The following CNOT6 variants were observed in gnomAD, a reference collection of about 807,000 sequenced individuals.
CNOT6 encodes the protein CCR4-NOT transcription complex subunit 6, also known as carbon catabolite repression 4 protein.
A neutral mutation model predicts 61.2 loss-of-function variants in CNOT6; 12 were observed. The ratio of observed to expected loss-of-function variants is 0.20; its 90% CI spans 0.13 to 0.32. CNOT6 has a LOEUF of 0.32. CNOT6 is among the 10% of genes least tolerant of loss of function. The probability of loss-of-function intolerance (pLI) is 1.00; values close to 1 mark genes in which losing one functional copy is unlikely to be tolerated. For synonymous variants in CNOT6, 225 were observed against 240.6 expected, an observed-to-expected ratio of 0.94 and a Z score of 0.60; for missense variants, 405 against 663.9, an observed-to-expected ratio of 0.61 and a Z score of 4.28.
chr5:180,541,700 C>T (rs2127735126), intron 2 of CNOT6, among the ~76,000 whole-genome samples: 2 of 152,092 alleles, frequency 1.3e-5, no homozygotes, highest in East Asian at 3.9e-4. Context: ...GATCCACCCA[C>T]CTCAGCCTCT....
In CNOT6 at chr5:180,567,980, G is replaced by T. The variant is rs143354534; in HGVS notation, c.1004G>T (p.Arg335Leu). ...GGGGTTGCAGTACTGCTAGAACTTC[G>T]GAAGGAATCGATTGAAATGCCGTGT... ...NIGVAVLLEL[R>L]KESIEMPSGK... The change falls in exon 9 of 12, where the codon CGG becomes CTG. Residue 335 changes from arginine to leucine, a missense_variant. This residue lies in a region of CNOT6 where 116 missense variants were observed against 184.6 expected (regional missense o/e 0.63). Coordinates refer to ENST00000261951, the MANE Select transcript of CNOT6 (RefSeq NM_001370472.1). The T allele has an allele frequency of 6.2e-7, 1 of 1,608,452 alleles. No individual in the cohort carries two copies. The highest frequency in any genetic ancestry group is 1.3e-5 in the African/African-American group (1 of 74,816).
chr5:180,504,330 T>G (rs374015534), intron 1 of CNOT6, among the ~76,000 whole-genome samples: 2 of 152,316 alleles, frequency 1.3e-5, no homozygotes, highest in East Asian at 3.9e-4. Context: ...TAATTTTCTT[T>G]TGTAGTTTTA....
chr5:180,496,413 A>C (rs574995801), intron 1 of CNOT6, among the ~76,000 whole-genome samples: 1 of 152,294 alleles, frequency 6.6e-6, no homozygotes, highest in South Asian at 2.1e-4. Flanking sequence ...TGCGTGTGAG[A>C]GCGCATGAGT....
At chr5:180,531,354 G>A (rs946671838) in intron 2 of CNOT6, among the ~76,000 whole-genome samples, 2 of 151,818 alleles carry the variant, frequency 1.3e-5, no homozygotes, top group African/African-American at 2.4e-5. Context: ...ACGGGGTCAC[G>A]GCCGGGCAGA....
chr5:180,570,860 G>T (rs1318023084), intron 10 of CNOT6, among the ~76,000 whole-genome samples: 2 of 152,102 alleles, frequency 1.3e-5, no homozygotes, highest in Non-Finnish European at 2.9e-5. Flanking sequence ...AAATAATTGA[G>T]CGTAAGCCAG....
chr5:180,548,719 A>AT (rs1759437095), intron 2 of CNOT6, among the ~76,000 whole-genome samples: 2 of 152,128 alleles, frequency 1.3e-5, no homozygotes, highest in Non-Finnish European at 2.9e-5. Flanking sequence ...ATATTATCTG[A>AT]TACGATGGTT....
At chr5:180,518,237 G>T (rs1331401041) in intron 1 of CNOT6, among the ~76,000 whole-genome samples, 17 of 152,132 alleles carry the variant, frequency 1.1e-4, no homozygotes, top group Admixed American at 1.1e-3. Context: ...GCTGGCTTCT[G>T]TATCATGTTG....
chr5:180,514,826 T>C (rs903216761), intron 1 of CNOT6, among the ~76,000 whole-genome samples: 2 of 152,220 alleles, frequency 1.3e-5, no homozygotes, highest in African/African-American at 4.8e-5. Flanking sequence ...CTGTACTGAA[T>C]TGCTTTTGGA....
At chr5:180,560,959 T>A (rs6601128) in intron 4 of CNOT6, among the ~76,000 whole-genome samples, 3 of 25,244 alleles carry the variant, frequency 1.2e-4, no homozygotes, top group Non-Finnish European at 1.8e-4. Flanking sequence ...CTTATCTATC[T>A]ATCAATCAAT....
chr5:180,538,686 G>GTATA (rs59342527), intron 2 of CNOT6, among the ~76,000 whole-genome samples: 1,561 of 84,948 alleles, frequency 0.018, 33 homozygotes, highest in African/African-American at 0.043. Context: ...TGAGAAAAAG[G>GTATA]TATATATATA....
At chr5:180,562,070 C>T (rs944770872) in intron 4 of CNOT6, among the ~76,000 whole-genome samples, 3 of 152,206 alleles carry the variant, frequency 2.0e-5, no homozygotes, top group African/African-American at 7.2e-5. Context: ...TCTTTTGGGT[C>T]TGTACCCATT....
At chr5:180,537,024 G>T (rs1758729753) in intron 2 of CNOT6, among the ~76,000 whole-genome samples, 1 of 152,280 alleles carries the variant, frequency 6.6e-6, no homozygotes, top group Non-Finnish European at 1.5e-5. Flanking sequence ...TTGTCTGGAT[G>T]TACCAGTTTA....
Position 180,507,873 on chromosome 5 carries a change from T to G in CNOT6, c.-3+13110T>G, listed in dbSNP as rs571614407. Among the ~76,000 whole-genome samples, 4 of 152,060 alleles carry G rather than the reference T, an allele frequency of 2.6e-5. No homozygotes were observed. In the South Asian group the frequency reaches 8.3e-4, roughly 32 times the overall value. On this transcript the variant is annotated intron_variant, in intron 1 of 11. Transcript: ENST00000261951. ...TGGCCAGAGCTGGAAGAAGTTGGGG[T>G]GGAGATGCTACACACTTTTAAACAA...
chr5:180,550,989 G>GT (rs1759567307), intron 3 of CNOT6, among the ~76,000 whole-genome samples: 1 of 152,086 alleles, frequency 6.6e-6, no homozygotes, highest in African/African-American at 2.4e-5. Flanking sequence ...GATAAGGGAT[G>GT]TTTGAGATAA....
intron 4 of CNOT6, among the ~76,000 whole-genome samples, chr5:180,563,708 G>T (rs966619357): frequency 1.3e-5 from 2 of 152,120 alleles, no homozygotes; most frequent in African/African-American, 4.8e-5. Context: ...TTAAAATGGC[G>T]CTGTGGCATC....
At chr5:180,559,950 ATT>A (rs528723433) in intron 4 of CNOT6, among the ~76,000 whole-genome samples, 12 of 141,504 alleles carry the variant, frequency 8.5e-5, no homozygotes, top group Non-Finnish European at 9.3e-5. Context: ...TAGTTTTATG[ATT>A]TTTTTTTTTT....
chr5:180,535,502 A>G (rs1048745650), intron 2 of CNOT6, among the ~76,000 whole-genome samples: 1 of 152,116 alleles, frequency 6.6e-6, no homozygotes, highest in Non-Finnish European at 1.5e-5. Context: ...TCTTTTTTAT[A>G]ACTCAGTAGT....
chr5:180,565,628 G>T (rs575157578), intron 6 of CNOT6, among the ~76,000 whole-genome samples, 192 bp from the exon 7 acceptor site: 1 of 152,250 alleles, frequency 6.6e-6, no homozygotes, highest in South Asian at 2.1e-4. Context: ...ATTCTAACTT[G>T]TTCACTTATC....
chr5:180,517,589 G>C (rs376285716), intron 1 of CNOT6, among the ~76,000 whole-genome samples: 1 of 151,336 alleles, frequency 6.6e-6, no homozygotes, highest in Non-Finnish European at 1.5e-5. Flanking sequence ...CTTTTGCCAG[G>C]CTGGAGTGCA....
Sources: allele counts gnomAD v4.1 joint callset (sites outside exome capture counted in the v4.1 genomes callset), GRCh38; gene constraint gnomAD v4.1.1; regional missense constraint gnomAD v4.1.1; transcripts MANE v1.5; gene names NCBI Gene and HGNC (gene_info 2026-07-23, HGNC 2026-07-21).